Variants in TNFAIP8 observed in about 807,000 individuals in gnomAD.
TNFAIP8 encodes the protein TNF alpha induced protein 8.
In TNFAIP8, 7 loss-of-function variants were observed where a neutral mutation model predicts 13.3. The observed-to-expected ratio is 0.52, with a 90% CI of 0.30 to 0.99. TNFAIP8 has a LOEUF of 0.99. Ranked by LOEUF, TNFAIP8 falls within the 50% of genes least tolerant of loss-of-function variation. The pLI, the probability that TNFAIP8 is intolerant of heterozygous loss-of-function variation, is 0.07. For missense variants in TNFAIP8, 258 were observed against 236.9 expected (o/e 1.09, Z -0.58); for synonymous variants, 94 against 87.6 (o/e 1.07, Z -0.41).
At chr5:119,304,486 C>T (rs1355720391) in intron 1 of TNFAIP8, among the ~76,000 whole-genome samples, 1 of 152,206 alleles carries the variant, frequency 6.6e-6, no homozygotes, top group East Asian at 1.9e-4. Context: ...ATAATGGTCC[C>T]TCAGTGACCC....
chr5:119,273,457 G>T (rs1048299686), intron 1 of TNFAIP8, among the ~76,000 whole-genome samples: 1 of 152,184 alleles, frequency 6.6e-6, no homozygotes, highest in African/African-American at 2.4e-5. Flanking sequence ...TTCAGTGATT[G>T]CTAGCTGCAG....
At chr5:119,355,148 TGTGAAG>T (rs1751335590), upstream of TNFAIP8, 4 of 617,120 alleles carry the variant, frequency 6.5e-6, no homozygotes, top group Non-Finnish European at 1.2e-5. Flanking sequence ...TGAGATCTGT[TGTGAAG>T]GCTGTCCGGC....
chr5:119,344,796 T>G (rs1340972317), intron 1 of TNFAIP8, among the ~76,000 whole-genome samples: 1 of 152,144 alleles, frequency 6.6e-6, no homozygotes, highest in Admixed American at 6.5e-5. Context: ...TCAAAGATAA[T>G]TGTAAGGTTT....
At chr5:119,334,425 G>C (rs250305) in intron 1 of TNFAIP8, among the ~76,000 whole-genome samples, 23,766 of 151,858 alleles carry the variant, frequency 0.16, 2,444 homozygotes, top group East Asian at 0.45. Flanking sequence ...TTTAATACTA[G>C]GGAAAAACTA....
At chr5:119,314,082 C>T (rs918175088) in intron 1 of TNFAIP8, among the ~76,000 whole-genome samples, 1 of 152,122 alleles carries the variant, frequency 6.6e-6, no homozygotes, top group African/African-American at 2.4e-5. Flanking sequence ...CATTACAATC[C>T]CAGCTACTTG....
In TNFAIP8 at chr5:119,398,753, AAC is replaced by A. The variant is rs1007211976; in HGVS notation, c.*5376_*5377del. ...AAAAACCAACCTGATGTGAAGTTGA[AAC>A]ACAAGACGCGGAAATAAAAACTCAG... On this transcript the variant is annotated 3_prime_UTR_variant, in exon 2 of 2. Coordinates refer to ENST00000504771, the MANE Select transcript of TNFAIP8 (RefSeq NM_014350.4). The A allele has an allele frequency of 1.3e-5, 2 of 152,184 alleles. No individual in the cohort carries two copies. The highest frequency in any genetic ancestry group is 4.8e-5 in the African/African-American group (2 of 41,450). 9.4% of individuals were successfully genotyped at this position (152,184 alleles called of 1,614,324 possible).
chr5:119,311,688 C>CAAAAAAAAAAAAAAAAAAAAAAA (rs55965350), intron 1 of TNFAIP8, among the ~76,000 whole-genome samples: 1 of 66,664 alleles, frequency 1.5e-5, no homozygotes, highest in African/African-American at 6.5e-5. Context: ...GACTCCGTCT[C>CAAAAAAAAAAAAAAAAAAAAAAA]AAAAAAAAAA....
chr5:119,271,473 T>C (rs1207531535), intron 1 of TNFAIP8, among the ~76,000 whole-genome samples: 21 of 152,236 alleles, frequency 1.4e-4, no homozygotes, highest in Admixed American at 1.4e-3. Context: ...ATCTACCTCA[T>C]GTAGAATGGT....
chr5:119,305,989 A>G (rs1247221837), intron 1 of TNFAIP8, among the ~76,000 whole-genome samples: 1 of 152,114 alleles, frequency 6.6e-6, no homozygotes, highest in South Asian at 2.1e-4. Context: ...TTGGCCTTGT[A>G]ATGGACTGCC....
intron 1 of TNFAIP8, among the ~76,000 whole-genome samples, chr5:119,292,685 T>TATATATATATATATATATACAC: frequency 1.9e-5 from 1 of 52,320 alleles, no homozygotes; most frequent in African/African-American, 5.3e-5. Context: ...TATATATATA[T>TATATATATATATATATATACAC]ACACACACAC....
intron 1 of TNFAIP8, among the ~76,000 whole-genome samples, chr5:119,349,693 A>G (rs562455549): frequency 6.6e-6 from 1 of 152,392 alleles, no homozygotes; most frequent in Non-Finnish European, 1.5e-5. Context: ...GCAGCTGAAT[A>G]AATAGAAGCT....
intron 1 of TNFAIP8, among the ~76,000 whole-genome samples, chr5:119,368,191 TGTA>T (rs1167263093): frequency 1.3e-5 from 2 of 152,190 alleles, no homozygotes; most frequent in South Asian, 2.1e-4. Context: ...CCATCAGTCT[TGTA>T]GTTCTTAATT....
chr5:119,269,054 A>G (rs1350593476), intron 1 of TNFAIP8: 3 of 581,590 alleles, frequency 5.2e-6, no homozygotes, highest in East Asian at 6.2e-5. Flanking sequence ...CGTTTGAACA[A>G]CTTGTTTAGG....
intron 1 of TNFAIP8, among the ~76,000 whole-genome samples, chr5:119,295,187 G>A (rs961502190): frequency 5.5e-4 from 13 of 23,676 alleles, no homozygotes; most frequent in African/African-American, 2.9e-3. Context: ...CTAACGTTTA[G>A]TCTAACGTTA....
intron 1 of TNFAIP8, among the ~76,000 whole-genome samples, chr5:119,325,232 G>T (rs1012948393): frequency 6.6e-6 from 1 of 152,138 alleles, no homozygotes; most frequent in South Asian, 2.1e-4. Flanking sequence ...CCACACTTCT[G>T]TCTATTTCAT....
intron 1 of TNFAIP8, among the ~76,000 whole-genome samples, chr5:119,382,699 A>C (rs1202127428): frequency 6.6e-6 from 1 of 152,184 alleles, no homozygotes; most frequent in African/African-American, 2.4e-5. Flanking sequence ...AGGCATAGAG[A>C]GGTTAGATAA....
chr5:119,385,423 G>A (rs1752632107), intron 1 of TNFAIP8, among the ~76,000 whole-genome samples: 1 of 152,074 alleles, frequency 6.6e-6, no homozygotes, highest in Admixed American at 6.5e-5. Flanking sequence ...CATTACCTTT[G>A]CATCTTGCTG....
At chr5:119,352,133 C>T (rs1751191541), upstream of TNFAIP8, among the ~76,000 whole-genome samples, 1 of 152,028 alleles carries the variant, frequency 6.6e-6, no homozygotes, top group African/African-American at 2.4e-5. Flanking sequence ...TAACCTGGGC[C>T]AGGGAGAGGC....
chr5:119,339,233 G>GC (rs776138240), intron 1 of TNFAIP8, among the ~76,000 whole-genome samples: 3 of 152,106 alleles, frequency 2.0e-5, no homozygotes, highest in Non-Finnish European at 4.4e-5. Context: ...TTTTCCAGAA[G>GC]CCCCCAACAC....
Sources: gnomAD v4.1 joint callset for allele counts (sites outside exome capture counted in the v4.1 genomes callset) on GRCh38, gnomAD v4.1.1 for gene constraint, MANE v1.5 for transcripts, NCBI Gene and HGNC (gene_info 2026-07-23, HGNC 2026-07-21) for gene names.